Variants in PTGER3 observed in about 807,000 individuals in gnomAD.
PTGER3 encodes the protein prostaglandin E2 receptor EP3 subtype.
A neutral mutation model predicts 34.7 loss-of-function variants in PTGER3; 22 were observed. The observed-to-expected ratio is 0.63, with a 90% CI of 0.45 to 0.91. The LOEUF (loss-of-function observed/expected upper bound fraction) is 0.91. Among genes scored for constraint, PTGER3 ranks in the 40% least tolerant of loss-of-function variants. PTGER3 has a pLI of 0.00. For synonymous variants in PTGER3, 241 were observed against 230.1 expected (o/e 1.05, Z -0.43); for missense variants, 468 against 519.4 (o/e 0.90, Z 0.96).
At chr1:71,039,051 TG>T in intron 1 of PTGER3, among the ~76,000 whole-genome samples, 1 of 152,210 alleles carries the variant, frequency 6.6e-6, no homozygotes, top group East Asian at 1.9e-4. Flanking sequence ...TGAGAGGCTG[TG>T]GGTGCTAGCA....
At chr1:70,874,823 T>C (rs182305603) in intron 4 of PTGER3, among the ~76,000 whole-genome samples, 1 of 145,254 alleles carries the variant, frequency 6.9e-6, no homozygotes, top group Non-Finnish European at 1.5e-5. Flanking sequence ...TCATTTTATG[T>C]TTTTTTTTTA....
Position 70,907,083 on chromosome 1 carries a change from G to A in PTGER3, c.*23+46680C>T, listed in dbSNP as rs559617263. On this transcript the variant is annotated intron_variant, in intron 4 of 4. Transcript: ENST00000370931. ...GTCACAAGACATCAGTTCACTAAAT[G>A]TGAGGTGCCTATAATGACCAAATGT... Among the ~76,000 whole-genome samples the A allele has an allele frequency of 2.8e-4, 42 of 152,338 alleles. No homozygotes were observed. In the South Asian group the frequency reaches 8.3e-3, roughly 30 times the overall value.
rs531320434 is a variant in PTGER3, at chr1:70,982,306, C to A, written c.1078-7918G>T. The stretch of plus-strand genomic sequence containing the variant: ...GCTCAGTCTTACACCTGCTGCCTCT[C>A]ACTTTGGGAATATCATTTGTGATTG... On this transcript the variant is annotated intron_variant, in intron 2 of 3. Transcript: ENST00000306666. Among the ~76,000 whole-genome samples, 3 of 152,272 alleles carry A rather than the reference C, an allele frequency of 2.0e-5. No individual in the cohort carries two copies. In the South Asian group the frequency reaches 6.2e-4, roughly 32 times the overall value.
chr1:71,016,000 A>T (rs1657858948), intron 1 of PTGER3, among the ~76,000 whole-genome samples: 1 of 152,182 alleles, frequency 6.6e-6, no homozygotes, highest in African/African-American at 2.4e-5. Flanking sequence ...TGGCACAATC[A>T]TAGCTCACTG....
At chr1:70,891,265 A>C (rs575123463) in intron 4 of PTGER3, among the ~76,000 whole-genome samples, 2 of 152,356 alleles carry the variant, frequency 1.3e-5, no homozygotes, top group South Asian at 4.1e-4. Flanking sequence ...TTGTTTAATG[A>C]AAAAATAAAG....
At chr1:70,942,404 A>T (rs1045782436) in intron 4 of PTGER3, among the ~76,000 whole-genome samples, 1 of 152,156 alleles carries the variant, frequency 6.6e-6, no homozygotes, top group African/African-American at 2.4e-5. Context: ...AACCTTTTAT[A>T]ATTCAATCCT....
chr1:70,973,138 G>C (rs976781340), intron 3 of PTGER3, among the ~76,000 whole-genome samples: 2 of 151,644 alleles, frequency 1.3e-5, no homozygotes, highest in Non-Finnish European at 2.9e-5. Context: ...GTGTGTGTGT[G>C]TGTGTGTGTG....
intron 1 of PTGER3, among the ~76,000 whole-genome samples, chr1:71,020,959 G>A (rs186326691): frequency 1.3e-5 from 2 of 152,010 alleles, no homozygotes; most frequent in Admixed American, 1.3e-4. Flanking sequence ...AATGTGATAA[G>A]AATAATTAAT....
intron 2 of PTGER3, chr1:71,009,532 A>G (rs1015268690): frequency 5.1e-6 from 5 of 984,782 alleles, no homozygotes; most frequent in South Asian, 4.7e-5. Context: ...AACTGCTCTC[A>G]TTAAGTAACA....
At chr1:70,932,864 G>A (rs948033416) in intron 4 of PTGER3, among the ~76,000 whole-genome samples, 10 of 152,012 alleles carry the variant, frequency 6.6e-5, no homozygotes, top group African/African-American at 1.7e-4. Context: ...GTCTCCTCTG[G>A]AAAGACTTTC....
At chr1:71,025,339 G>T (rs2100921926) in intron 1 of PTGER3, among the ~76,000 whole-genome samples, 1 of 151,964 alleles carries the variant, frequency 6.6e-6, no homozygotes, top group South Asian at 2.1e-4. Context: ...GTAAGTTGGG[G>T]TTATAGAATG....
At chr1:70,859,963 C>T (rs1572474651) in intron 4 of PTGER3, among the ~76,000 whole-genome samples, 1 of 150,930 alleles carries the variant, frequency 6.6e-6, no homozygotes, top group South Asian at 2.1e-4. Flanking sequence ...GATAATAAAA[C>T]TGTTAATTAA....
intron 4 of PTGER3, among the ~76,000 whole-genome samples, chr1:70,903,734 A>G (rs984100347): frequency 3.3e-5 from 5 of 152,158 alleles, no homozygotes; most frequent in African/African-American, 1.2e-4. Context: ...GGAAAAAGAG[A>G]GAGGGAACCA....
At chr1:71,006,642 C>G in intron 2 of PTGER3, 7 of 979,824 alleles carry the variant, frequency 7.1e-6, no homozygotes, top group Non-Finnish European at 8.5e-6. Flanking sequence ...AAGAGCAACT[C>G]TCATATTTAT....
chr1:71,045,548 C>T (rs1660689717), intron 1 of PTGER3, among the ~76,000 whole-genome samples: 1 of 152,168 alleles, frequency 6.6e-6, no homozygotes, highest in Non-Finnish European at 1.5e-5. Context: ...ACAGCACTTA[C>T]ACACGGACAT....
At chr1:70,855,536 A>G (rs1645782670) in intron 4 of PTGER3, among the ~76,000 whole-genome samples, 1 of 152,220 alleles carries the variant, frequency 6.6e-6, no homozygotes, top group Non-Finnish European at 1.5e-5. Context: ...TAGTTCTGTG[A>G]ACGCGACAAA....
At chr1:70,918,505 T>TC (rs1359881266) in intron 4 of PTGER3, among the ~76,000 whole-genome samples, 3 of 152,062 alleles carry the variant, frequency 2.0e-5, no homozygotes, top group Admixed American at 1.3e-4. Context: ...TTCACTTTTT[T>TC]CCCAAACAAG....
Position 71,047,361 on chromosome 1 carries a change from C to G in PTGER3, c.217G>C (p.Val73Leu), listed in dbSNP as rs1660942739. ...TCCCGGCGCCGGTAGCTGCGCGACA[C>G]GAGCAGCATGGCCAGTGCGTTGCCC... ...FVGNALAMLL[V>L]SRSYRRRESK... The change falls in exon 1 of 4, where the codon GTG becomes CTG. Residue 73 changes from valine (V) to leucine (L), a missense_variant. By Grantham distance (32) the Val-to-Leu change is conservative (BLOSUM62 1). This residue lies in a region of PTGER3 where 151 missense variants were observed against 133.5 expected (regional missense o/e 1.13). Coordinates refer to ENST00000306666, the MANE Select transcript of PTGER3 (RefSeq NM_198719.2). 5 of 1,610,180 alleles carry G rather than the reference C, an allele frequency of 3.1e-6. No homozygotes were observed. Among genetic ancestry groups the G allele is most frequent in the Admixed American group, 1.7e-5 (1 of 59,606 alleles).
At chr1:71,009,226 C>G (rs1657233803) in intron 2 of PTGER3, 4 of 985,236 alleles carry the variant, frequency 4.1e-6, no homozygotes, top group Non-Finnish European at 4.8e-6. Context: ...GTCTGTCACT[C>G]AATGCCAATG....
Sources: allele counts gnomAD v4.1 joint callset (sites outside exome capture counted in the v4.1 genomes callset), GRCh38; gene constraint gnomAD v4.1.1; regional missense constraint gnomAD v4.1.1; transcripts MANE v1.5; gene names NCBI Gene and HGNC (gene_info 2026-07-23, HGNC 2026-07-21).